The following TOP1 variants were observed in gnomAD, a reference collection of about 807,000 sequenced individuals.
TOP1 encodes the protein DNA topoisomerase I, also known as DNA topoisomerase 1.
In TOP1, 10 loss-of-function variants were observed where a neutral mutation model predicts 111.1. The ratio of observed to expected loss-of-function variants is 0.09; its 90% CI spans 0.06 to 0.15. The LOEUF (loss-of-function observed/expected upper bound fraction) is 0.15, where lower values mean the gene tolerates loss of function less well. Ranked by LOEUF, TOP1 falls within the 10% of genes least tolerant of loss-of-function variation. TOP1 has a pLI of 1.00. For synonymous variants in TOP1, 271 were observed against 302.9 expected (o/e 0.89, Z 1.10); for missense variants, 474 against 926.7 (o/e 0.51, Z 6.34).
intron 2 of TOP1, among the ~76,000 whole-genome samples, chr20:41,050,537 C>T (rs573706190): frequency 6.6e-6 from 1 of 152,328 alleles, no homozygotes; most frequent in Non-Finnish European, 1.5e-5. Flanking sequence ...CAAATTGAAA[C>T]CAGCCACCAT....
chr20:41,111,590 A>G (rs1014256560), intron 13 of TOP1, among the ~76,000 whole-genome samples: 2 of 47,214 alleles, frequency 4.2e-5, no homozygotes, highest in African/African-American at 7.8e-5. Flanking sequence ...CCCCCACCCC[A>G]CCCCCCGCCC....
chr20:41,089,747 C>T lies in TOP1; in HGVS notation c.615-2725C>T, dbSNP rs112550340. ...TTTCCACATTGGCTGCACCTTTTTA[C>T]GTTCCTACCAGGACCACACGAGGGT... On this transcript the variant is annotated intron_variant, in intron 8 of 20. Coordinates refer to ENST00000361337, the MANE Select transcript of TOP1 (RefSeq NM_003286.4). Among the ~76,000 whole-genome samples, 948 of 152,254 alleles carry T rather than the reference C, an allele frequency of 6.2e-3. 16 individuals carry two copies. The highest frequency in any genetic ancestry group is 0.021 in the African/African-American group (892 of 41,540).
chr20:41,038,721 C>T (rs1203289886), intron 2 of TOP1, among the ~76,000 whole-genome samples: 8 of 152,158 alleles, frequency 5.3e-5, no homozygotes, highest in Non-Finnish European at 1.5e-5. Context: ...CCTGGAGGCT[C>T]ATGCCTATAA....
In TOP1 at chr20:41,123,420, C is replaced by G. The variant is rs2034450852; in HGVS notation, c.*123C>G. 1 of 635,960 alleles carries G rather than the reference C, an allele frequency of 1.6e-6. No homozygotes were observed. Among genetic ancestry groups the G allele is most frequent in the Non-Finnish European group, 2.7e-6 (1 of 366,796 alleles). 39.4% of individuals were successfully genotyped at this position (635,960 alleles called of 1,614,324 possible). A position where few individuals can be genotyped will look rare whatever the true frequency, so the allele number is the denominator to read the frequency against. Reference sequence around the variant, plus strand: ...GCAGCAAGTCTTAACAAACCAACATCTTTGCGAAAAGATAAACCTGGAGAT... The same window carrying G: ...GCAGCAAGTCTTAACAAACCAACATGTTTGCGAAAAGATAAACCTGGAGAT... On this transcript the variant is annotated 3_prime_UTR_variant, in exon 21 of 21. Coordinates refer to ENST00000361337, the MANE Select transcript of TOP1 (RefSeq NM_003286.4). The surrounding 1 kb of genome is among the most constrained non-coding windows in gnomAD (Gnocchi z 5.8).
rs897835009 is a variant in TOP1, at chr20:41,067,957, C to G, written c.155+6467C>G. On this transcript the variant is annotated intron_variant, in intron 3 of 20. Coordinates refer to ENST00000361337, the MANE Select transcript of TOP1 (RefSeq NM_003286.4). This position sits in a 1 kb window ranked among gnomAD's most constrained non-coding sequence, Gnocchi z 4.0. ...GTCTTCTCTTTGTGTGGACAGGAGT[C>G]TGAGGTCACATGCTCTAAGTCCCAC... is the stretch of plus-strand genomic sequence containing the variant. Among the ~76,000 whole-genome samples the G allele has an allele frequency of 5.3e-5, 8 of 152,148 alleles. No homozygotes were observed. Among genetic ancestry groups the G allele is most frequent in the African/African-American group, 1.9e-4 (8 of 41,414 alleles).
At chr20:41,035,176 G>T (rs989573018) in intron 2 of TOP1, among the ~76,000 whole-genome samples, 16 of 152,160 alleles carry the variant, frequency 1.1e-4, no homozygotes, top group African/African-American at 3.9e-4. Flanking sequence ...GAGCCACTGT[G>T]CCTGACCCTT....
intron 2 of TOP1, among the ~76,000 whole-genome samples, chr20:41,035,725 A>C (rs1011266419): frequency 3.9e-5 from 6 of 152,226 alleles, no homozygotes; most frequent in Non-Finnish European, 7.3e-5. Context: ...TCTTTGTTGA[A>C]GGTTAGTCCT....
intron 8 of TOP1, among the ~76,000 whole-genome samples, chr20:41,088,181 A>G (rs2033870436): frequency 6.6e-6 from 1 of 152,072 alleles, no homozygotes; most frequent in Admixed American, 6.5e-5. Context: ...AGGAGTCGTA[A>G]AAACAGTTTG....
At chr20:41,090,445 G>T (rs1022735247) in intron 8 of TOP1, among the ~76,000 whole-genome samples, 3 of 152,150 alleles carry the variant, frequency 2.0e-5, no homozygotes, top group African/African-American at 7.2e-5. Context: ...TCTGTGAGTT[G>T]TCTTTCACTC....
Position 41,123,374 on chromosome 20 carries a change from C to G in TOP1, c.*77C>G. The G allele has an allele frequency of 9.3e-7, 1 of 1,070,258 alleles. No individual in the cohort carries two copies. Among genetic ancestry groups the G allele is most frequent in the Non-Finnish European group, 1.4e-6 (1 of 708,256 alleles). 66.3% of individuals were successfully genotyped at this position (1,070,258 alleles called of 1,614,324 possible). ...GATGGATAAACTGAGCCTCACTTGC[C>G]CTCGTGCCTGGGGGAGAGAGGCAGC... On this transcript the variant is annotated 3_prime_UTR_variant, in exon 21 of 21. Coordinates refer to ENST00000361337, the MANE Select transcript of TOP1 (RefSeq NM_003286.4). The surrounding 1 kb of genome is among the most constrained non-coding windows in gnomAD (Gnocchi z 5.8).
intron 3 of TOP1, chr20:41,072,465 C>A: frequency 1.0e-6 from 1 of 985,408 alleles, no homozygotes; most frequent in Non-Finnish European, 1.2e-6. Context: ...GATGAGTCAG[C>A]CTGACTGACC....
intron 2 of TOP1, among the ~76,000 whole-genome samples, chr20:41,057,609 A>G (rs1271145304): frequency 6.6e-6 from 1 of 152,252 alleles, no homozygotes; most frequent in Non-Finnish European, 1.5e-5. Flanking sequence ...AAGATGAAGT[A>G]TATGCACAAA....
intron 2 of TOP1, among the ~76,000 whole-genome samples, chr20:41,053,725 T>C (rs1373445894): frequency 6.6e-6 from 1 of 152,244 alleles, no homozygotes; most frequent in East Asian, 1.9e-4. Context: ...AAATGTTTCC[T>C]AAAACATTTT....
chr20:41,093,277 C>G (rs2033942182), intron 9 of TOP1, among the ~76,000 whole-genome samples: 1 of 152,168 alleles, frequency 6.6e-6, no homozygotes, highest in Admixed American at 6.5e-5. Flanking sequence ...ATGGTAATAA[C>G]TGATTTTCTT....
chr20:41,040,929 T>G (rs567958281), intron 2 of TOP1, among the ~76,000 whole-genome samples: 1 of 152,266 alleles, frequency 6.6e-6, no homozygotes, highest in East Asian at 1.9e-4. Context: ...TACTCAATAC[T>G]TCTCCATTTT....
rs2033507846 is a variant in TOP1 at position 41,058,902 on chromosome 20, A to G, written c.59-2492A>G. On this transcript the variant is annotated intron_variant, in intron 2 of 20. Transcript: ENST00000361337. This position sits in a 1 kb window ranked among gnomAD's most constrained non-coding sequence, Gnocchi z 4.2. ...CTAGGCTATTCACAGTAGCAGAAAC[A>G]TGGAATCAACCTCAATTTTCATTAA... 6.6e-6 allele frequency among the ~76,000 whole-genome samples: 1 copy of G among 152,168 alleles called. No individual in the cohort carries two copies. The highest frequency in any genetic ancestry group is 2.1e-4 in the South Asian group (1 of 4,830).
At chr20:41,043,438 T>A (rs925775754) in intron 2 of TOP1, among the ~76,000 whole-genome samples, 3 of 152,236 alleles carry the variant, frequency 2.0e-5, no homozygotes, top group Non-Finnish European at 4.4e-5. Flanking sequence ...AGCAGTTATA[T>A]GATTAACACC....
chr20:41,066,851 G>A (rs909137865), intron 3 of TOP1, among the ~76,000 whole-genome samples: 1 of 152,090 alleles, frequency 6.6e-6, no homozygotes, highest in African/African-American at 2.4e-5. Context: ...ACCGCGCCTG[G>A]CCACTTCTGT....
rs1455564544 is a variant in TOP1, at chr20:41,084,480, C to T, written c.526C>T (p.Pro176Ser). ...TTTGTAGGATGGTAAATTGAAAAAA[C>T]CCAAGAATAAAGATAAAGATAAAAA... ...EEEEDGKLKK[P>S]KNKDKDKKVP... Residue 176 changes from proline to serine, a missense_variant, in exon 8 of 21, where the codon CCC becomes TCC. Around this residue, in one of 14 missense-constraint regions of TOP1, gnomAD observed 185 missense variants for 226.3 expected, o/e 0.82. Transcript: ENST00000361337. 2 of 1,564,132 alleles carry T rather than the reference C, an allele frequency of 1.3e-6. No homozygotes were observed. The highest frequency in any genetic ancestry group is 3.8e-5 in the Admixed American group (2 of 52,610).
Sources: gnomAD v4.1 joint callset for allele counts (sites outside exome capture counted in the v4.1 genomes callset) on GRCh38, gnomAD v4.1.1 for gene constraint, gnomAD v4.1.1 regional missense constraint, Gnocchi (gnomAD v3.1) non-coding constraint, MANE v1.5 for transcripts, NCBI Gene and HGNC (gene_info 2026-07-23, HGNC 2026-07-21) for gene names.